Variants in KLHL1 observed in about 807,000 individuals in gnomAD.
KLHL1 encodes kelch like family member 1, also known as kelch-like protein 1.
Under a neutral mutation model 77.7 loss-of-function variants are expected in KLHL1, and 47 were observed. The observed-to-expected ratio is 0.60, with a 90% CI of 0.48 to 0.77. The LOEUF is 0.77. Ranked by LOEUF, KLHL1 falls within the 30% of genes least tolerant of loss-of-function variation. KLHL1 has a pLI of 0.00. For missense variants in KLHL1, 925 were observed against 910.8 expected (o/e 1.02, Z -0.20); for synonymous variants, 360 against 325.2 (o/e 1.11, Z -1.15).
intron 7 of KLHL1, among the ~76,000 whole-genome samples, chr13:69,786,095 C>T (rs1876527971): frequency 2.0e-5 from 3 of 152,116 alleles, no homozygotes; most frequent in South Asian, 2.1e-4. Flanking sequence ...GGAGCTGGTA[C>T]CATTCCTTCT....
chr13:69,788,996 T>C (rs1393430756), intron 7 of KLHL1, among the ~76,000 whole-genome samples: 6 of 150,158 alleles, frequency 4.0e-5, no homozygotes, highest in East Asian at 2.0e-4. Context: ...GAGAAAAAGA[T>C]AAACACTGGA....
intron 7 of KLHL1, among the ~76,000 whole-genome samples, chr13:69,778,298 C>G (rs1409380931): frequency 6.6e-6 from 1 of 152,042 alleles, no homozygotes; most frequent in East Asian, 1.9e-4. Context: ...AATACTGTGA[C>G]TCAGATCAAA....
chr13:70,058,147 A>G (rs1482574275), intron 1 of KLHL1, among the ~76,000 whole-genome samples: 1 of 152,202 alleles, frequency 6.6e-6, no homozygotes, highest in Non-Finnish European at 1.5e-5. Flanking sequence ...GAATGCAGAA[A>G]AGCTGAAAGT....
In KLHL1 at chr13:69,882,350, A is replaced by C; in HGVS notation, c.1160T>G (p.Met387Arg). 6.2e-7 allele frequency: 1 copy of C among 1,614,014 alleles called. No individual in the cohort carries two copies. The highest frequency in any genetic ancestry group is 1.6e-4 in the Middle Eastern group (1 of 6,062). The change falls in exon 5 of 11, where the codon ATG (methionine) becomes AGG (arginine). Residue 387 changes from methionine to arginine, a missense_variant. Met to Arg is a moderately conservative substitution (Grantham distance 91). Coordinates refer to ENST00000377844, the MANE Select transcript of KLHL1 (RefSeq NM_020866.3). Reference sequence around the variant, plus strand: ...GCTCAGGTCATTGCATCTACTCTGCATGTCATACTTGACCCACATCATCAA... The same window carrying C: ...GCTCAGGTCATTGCATCTACTCTGCCTGTCATACTTGACCCACATCATCAA... The part of the protein sequence containing the change: ...HALMMWVKYD[M>R]QSRCNDLSML...
intron 4 of KLHL1, among the ~76,000 whole-genome samples, chr13:69,915,323 G>T (rs1027342425): frequency 6.6e-6 from 1 of 152,012 alleles, no homozygotes; most frequent in Admixed American, 6.6e-5. Flanking sequence ...GGAGGCATCA[G>T]GCTACCTGAC....
chr13:70,019,790 G>C (rs1885744556), intron 1 of KLHL1, among the ~76,000 whole-genome samples: 1 of 152,114 alleles, frequency 6.6e-6, no homozygotes, highest in Admixed American at 6.6e-5. Context: ...ATGGTGTTAT[G>C]TTCTGAATAT....
chr13:69,763,670 A>G (rs1455774162), intron 7 of KLHL1, among the ~76,000 whole-genome samples: 1 of 152,220 alleles, frequency 6.6e-6, no homozygotes, highest in African/African-American at 2.4e-5. Flanking sequence ...CTAGGTGAGA[A>G]CCTGACCAAA....
chr13:70,093,714 T>C (rs1887722993), intron 1 of KLHL1, among the ~76,000 whole-genome samples: 1 of 152,196 alleles, frequency 6.6e-6, no homozygotes, highest in African/African-American at 2.4e-5. Flanking sequence ...ATGACTTTGT[T>C]TTCTCATGGT....
At chr13:70,005,632 G>A (rs1455238117) in intron 1 of KLHL1, among the ~76,000 whole-genome samples, 1 of 151,564 alleles carries the variant, frequency 6.6e-6, no homozygotes, top group African/African-American at 2.4e-5. Context: ...ATATGTACAA[G>A]ATAAACACTG....
intron 4 of KLHL1, among the ~76,000 whole-genome samples, chr13:69,904,316 C>T (rs1467236555): frequency 6.6e-6 from 1 of 152,084 alleles, no homozygotes; most frequent in Non-Finnish European, 1.5e-5. Flanking sequence ...TAAAGATTCT[C>T]ACCTTGAGAA....
At chr13:69,726,058 T>A (rs1322502366) in intron 8 of KLHL1, among the ~76,000 whole-genome samples, 1 of 152,178 alleles carries the variant, frequency 6.6e-6, no homozygotes, top group African/African-American at 2.4e-5. Flanking sequence ...TTATTTATAA[T>A]CTGTATCCTA....
chr13:69,824,378 A>G (rs1306030311), intron 6 of KLHL1, among the ~76,000 whole-genome samples: 2 of 151,986 alleles, frequency 1.3e-5, no homozygotes, highest in Non-Finnish European at 2.9e-5. Flanking sequence ...GTAAGATGAT[A>G]TTTTCTCTGA....
At chr13:69,870,726 A>G (rs1421330669) in intron 5 of KLHL1, among the ~76,000 whole-genome samples, 1 of 151,976 alleles carries the variant, frequency 6.6e-6, no homozygotes, top group Non-Finnish European at 1.5e-5. Context: ...GGCCCAAAGT[A>G]AGAGGTAACA....
intron 6 of KLHL1, among the ~76,000 whole-genome samples, chr13:69,837,691 C>CAT (rs1293679649): frequency 3.6e-5 from 5 of 138,224 alleles, no homozygotes; most frequent in Non-Finnish European, 6.2e-5. Flanking sequence ...TATATATACA[C>CAT]ATATATATAT....
intron 7 of KLHL1, among the ~76,000 whole-genome samples, chr13:69,754,011 T>G (rs553205682): frequency 1.6e-4 from 24 of 152,018 alleles, no homozygotes; most frequent in East Asian, 1.4e-3. Context: ...TAATTTTTTT[T>G]TTTGTTTTTA....
rs1353607694 is a variant in KLHL1 at position 69,939,968 on chromosome 13, C to T, written c.1014+72G>A. On this transcript the variant is annotated intron_variant, in intron 4 of 10. Coordinates refer to ENST00000377844, the MANE Select transcript of KLHL1 (RefSeq NM_020866.3). ...TTAAACTTAAAAAACTTGCTAATGC[C>T]ATGACAGTAATTATTTTTACCTCTG... 3 of 1,217,842 alleles carry T rather than the reference C, an allele frequency of 2.5e-6. No homozygotes were observed. In the Admixed American group the frequency reaches 8.3e-5, roughly 34 times the overall value. 75.4% of individuals were successfully genotyped at this position (1,217,842 alleles called of 1,614,324 possible). A position where few individuals can be genotyped will look rare whatever the true frequency, so the allele number is the denominator to read the frequency against.
intron 1 of KLHL1, among the ~76,000 whole-genome samples, chr13:70,084,188 C>G (rs1466747338): frequency 6.6e-6 from 1 of 152,080 alleles, no homozygotes; most frequent in African/African-American, 2.4e-5. Context: ...ATTATACACA[C>G]ACATGTACAC....
At chr13:69,891,627 C>T (rs997417683) in intron 4 of KLHL1, among the ~76,000 whole-genome samples, 4 of 152,006 alleles carry the variant, frequency 2.6e-5, no homozygotes, top group Non-Finnish European at 5.9e-5. Flanking sequence ...AAGACATCAT[C>T]TCCTCACCTT....
chr13:69,770,127 G>A (rs9572269), intron 7 of KLHL1, among the ~76,000 whole-genome samples: 1 of 151,932 alleles, frequency 6.6e-6, no homozygotes, highest in African/African-American at 2.4e-5. Context: ...CACCCCCTTG[G>A]GACTCCATGA....
Sources: gnomAD v4.1 joint callset for allele counts (sites outside exome capture counted in the v4.1 genomes callset) on GRCh38, gnomAD v4.1.1 for gene constraint, MANE v1.5 for transcripts, NCBI Gene and HGNC (gene_info 2026-07-23, HGNC 2026-07-21) for gene names.